KAZN: variants seen among roughly 807,000 people sequenced by gnomAD.
The protein encoded by KAZN is kazrin, periplakin interacting protein, also known as kazrin.
A neutral mutation model predicts 87.4 loss-of-function variants in KAZN; 40 were observed. The ratio of observed to expected loss-of-function variants is 0.46; its 90% CI spans 0.36 to 0.60. The LOEUF (loss-of-function observed/expected upper bound fraction) is 0.60, where lower values mean the gene tolerates loss of function less well. KAZN is among the 20% of genes least tolerant of loss of function. The pLI, the probability that KAZN is intolerant of heterozygous loss-of-function variation, is 0.00. For synonymous variants in KAZN, 466 were observed against 458.3 expected (o/e 1.02, Z -0.22); for missense variants, 898 against 1,073.9 (o/e 0.84, Z 2.29).
intron 1 of KAZN, among the ~76,000 whole-genome samples, chr1:14,729,100 C>T (rs2143297): frequency 6.6e-6 from 1 of 152,120 alleles, no homozygotes; most frequent in Non-Finnish European, 1.5e-5. Context: ...TCTCCTGCCT[C>T]GAATGTGCTC....
intron 2 of KAZN, among the ~76,000 whole-genome samples, chr1:14,456,354 G>A (rs1314254999): frequency 1.3e-5 from 2 of 152,090 alleles, no homozygotes; most frequent in Admixed American, 6.5e-5. Flanking sequence ...TCTTGTTTAC[G>A]GAGGTCTCTC....
chr1:14,982,299 A>G (rs1340965084), intron 2 of KAZN, among the ~76,000 whole-genome samples: 2 of 151,058 alleles, frequency 1.3e-5, no homozygotes, highest in Non-Finnish European at 2.9e-5. Flanking sequence ...AGTTTCTCTG[A>G]GCCTTTAAAA....
At chr1:14,050,168 G>C (rs1182834005) in intron 1 of KAZN, among the ~76,000 whole-genome samples, 1 of 151,334 alleles carries the variant, frequency 6.6e-6, no homozygotes, top group Non-Finnish European at 1.5e-5. Context: ...GCGCGTGTGT[G>C]GGTGTGTGCG....
intron 2 of KAZN, among the ~76,000 whole-genome samples, chr1:14,966,966 G>T (rs921285286): frequency 2.0e-5 from 3 of 152,184 alleles, no homozygotes; most frequent in African/African-American, 7.2e-5. Context: ...ACTGCACCCG[G>T]CCCCCGCATA....
intron 2 of KAZN, among the ~76,000 whole-genome samples, chr1:14,379,327 C>T (rs1161923653): frequency 6.6e-6 from 1 of 151,938 alleles, no homozygotes; most frequent in African/African-American, 2.4e-5. Flanking sequence ...ACTATGGCTA[C>T]AGGGAGAGAC....
chr1:14,132,752 G>T (rs1645017860), intron 1 of KAZN, among the ~76,000 whole-genome samples: 1 of 152,040 alleles, frequency 6.6e-6, no homozygotes, highest in Admixed American at 6.6e-5. Flanking sequence ...CCCCATACAT[G>T]ACAGCCCCTC....
chr1:14,215,265 G>T (rs1461635287), intron 2 of KAZN, among the ~76,000 whole-genome samples: 1 of 152,208 alleles, frequency 6.6e-6, no homozygotes, highest in Non-Finnish European at 1.5e-5. Flanking sequence ...TGAGAGCTGT[G>T]TGATTGTCAT....
At chr1:14,208,696 A>G (rs1263375380) in intron 2 of KAZN, among the ~76,000 whole-genome samples, 1 of 152,248 alleles carries the variant, frequency 6.6e-6, no homozygotes, top group Non-Finnish European at 1.5e-5. Flanking sequence ...ATAATGCTGC[A>G]GCATGGATAT....
chr1:15,034,685 A>G (rs1003125980), intron 2 of KAZN, 64 bp from the exon 3 acceptor site: 14 of 1,590,326 alleles, frequency 8.8e-6, no homozygotes, highest in Middle Eastern at 1.7e-4. Flanking sequence ...GCCACTTCTC[A>G]GCACTCAGGC....
At chr1:14,222,166 G>T (rs1046512270) in intron 2 of KAZN, 9 of 152,148 alleles carry the variant, frequency 5.9e-5, no homozygotes, top group Non-Finnish European at 1.3e-4. Context: ...GGTTTTAAAG[G>T]TGTAAAATCT....
At chr1:14,588,786 G>A (rs1676008909) in intron 2 of KAZN, among the ~76,000 whole-genome samples, 1 of 152,194 alleles carries the variant, frequency 6.6e-6, no homozygotes, top group Admixed American at 6.5e-5. Flanking sequence ...TTATAACCTG[G>A]CTTTCTGCAG....
At chr1:14,449,058 A>G (rs935646221) in intron 2 of KAZN, among the ~76,000 whole-genome samples, 9 of 152,218 alleles carry the variant, frequency 5.9e-5, no homozygotes, top group Non-Finnish European at 1.3e-4. Flanking sequence ...GGTCCACGAC[A>G]ATGTTGATGA....
At chr1:15,089,732 CAAAAAAAAAA>C (rs56260619) in intron 8 of KAZN, among the ~76,000 whole-genome samples, 15,435 of 69,688 alleles carry the variant, frequency 0.22, 1,341 homozygotes, top group East Asian at 0.54. Flanking sequence ...CTTTTATTGG[CAAAAAAAAAA>C]AAAAAAAAAA....
intron 2 of KAZN, among the ~76,000 whole-genome samples, chr1:14,519,608 A>G (rs1450642472): frequency 6.6e-6 from 1 of 152,192 alleles, no homozygotes; most frequent in Non-Finnish European, 1.5e-5. Flanking sequence ...AGCCTAGGCC[A>G]GGGCACGAGA....
rs189810545 is a variant in KAZN at position 14,109,264 on chromosome 1, G to T, written c.92-71171G>T. On this transcript the variant is annotated intron_variant, in intron 1 of 16. Transcript: ENST00000636203. Reference sequence around the variant, plus strand: ...TGTATGTTGCAATAGAGGACAAAGAGTATTTGCACAGGGGTGGGCCAGTAG... The same window carrying T: ...TGTATGTTGCAATAGAGGACAAAGATTATTTGCACAGGGGTGGGCCAGTAG... Among the ~76,000 whole-genome samples the T allele has an allele frequency of 9.2e-5, 14 of 152,314 alleles. No homozygotes were observed. In the East Asian group the frequency reaches 2.3e-3, roughly 25 times the overall value.
At chr1:14,830,847 T>G (rs1399357631) in intron 1 of KAZN, among the ~76,000 whole-genome samples, 2 of 152,132 alleles carry the variant, frequency 1.3e-5, no homozygotes, top group Non-Finnish European at 2.9e-5. Flanking sequence ...GGTGGGGACA[T>G]AGCCAAACCA....
chr1:14,613,771 G>A (rs1677998717), intron 1 of KAZN, among the ~76,000 whole-genome samples: 2 of 152,326 alleles, frequency 1.3e-5, no homozygotes, highest in Admixed American at 6.5e-5. Flanking sequence ...CGGCCCACAG[G>A]TTGGGCCCGG....
intron 2 of KAZN, among the ~76,000 whole-genome samples, chr1:14,457,363 G>C (rs935164316): frequency 2.6e-5 from 4 of 152,002 alleles, no homozygotes; most frequent in African/African-American, 9.7e-5. Context: ...CTCTACCAGG[G>C]TTGCCTGTTT....
chr1:14,736,254 G>GGGGTGT lies in KAZN; in HGVS notation c.226+137032_226+137033insGGTGTG, dbSNP rs780407996. On this transcript the variant is annotated intron_variant, in intron 1 of 14. Transcript: ENST00000376030. The stretch of plus-strand genomic sequence containing the variant: ...TGTTGGGGCTCATGTGGGACTCAAG[G>GGGGTGT]GTGTGTGTGTGTGTGTGTGTGTGTG... Among the ~76,000 whole-genome samples, 932 of 115,286 alleles carry GGGGTGT rather than the reference G, an allele frequency of 8.1e-3. 4 individuals carry two copies. Among genetic ancestry groups the GGGGTGT allele is most frequent in the Non-Finnish European group, 0.01 (562 of 55,946 alleles). 75.6% of individuals were successfully genotyped at this position (115,286 alleles called of 152,430 possible).
Sources: allele counts gnomAD v4.1 joint callset (sites outside exome capture counted in the v4.1 genomes callset), GRCh38; gene constraint gnomAD v4.1.1; transcripts MANE v1.5; gene names NCBI Gene and HGNC (gene_info 2026-07-23, HGNC 2026-07-21).